The following SH3D19 variants were observed in gnomAD, a reference collection of about 807,000 sequenced individuals.
SH3D19 encodes SH3 domain-containing protein 19.
SH3D19 carries 58 observed loss-of-function variants against 112.1 expected under a neutral mutation model. The observed-to-expected ratio is 0.52, with a 90% CI of 0.42 to 0.64. The LOEUF is 0.64. Among genes scored for constraint, SH3D19 ranks in the 30% least tolerant of loss-of-function variants. SH3D19 has a pLI of 0.00. For missense variants in SH3D19, 1,090 were observed against 1,263.4 expected (o/e 0.86, Z 2.08); for synonymous variants, 391 against 448.5 (o/e 0.87, Z 1.62).
chr4:151,299,179 T>C (rs1728087086), intron 1 of SH3D19, among the ~76,000 whole-genome samples: 2 of 152,248 alleles, frequency 1.3e-5, no homozygotes, highest in Admixed American at 6.5e-5. Context: ...TTAATTTTAT[T>C]AAAAATTCCA....
chr4:151,156,744 T>C (rs991976018), intron 9 of SH3D19, among the ~76,000 whole-genome samples: 2 of 152,146 alleles, frequency 1.3e-5, no homozygotes, highest in Non-Finnish European at 2.9e-5. Flanking sequence ...CTCAGGACAT[T>C]GGTCTTAAAA....
chr4:151,148,530 C>T (rs945690167), intron 10 of SH3D19, among the ~76,000 whole-genome samples: 8 of 152,138 alleles, frequency 5.3e-5, no homozygotes, highest in Non-Finnish European at 1.0e-4. Flanking sequence ...AAACTAAGTA[C>T]TTTCTACCAA....
At position 151,131,579 on chromosome 4, in the gene SH3D19, C is replaced by T. The variant is rs549355283; in HGVS notation, c.2742+752G>A. On this transcript the variant is annotated intron_variant, in intron 17 of 19. Transcript: ENST00000604030. ...TTGGCTCACTGCAAACTCTGCCCCC[C>T]GGGTTCACGCCATTCCCCTGCCTCA... 2.7e-3 allele frequency among the ~76,000 whole-genome samples: 411 copies of T among 151,514 alleles called. 1 individual carries two copies. Among genetic ancestry groups the T allele is most frequent in the Middle Eastern group, 0.01 (3 of 294 alleles).
chr4:151,126,533 C>T (rs553751979), intron 19 of SH3D19, among the ~76,000 whole-genome samples: 5 of 152,054 alleles, frequency 3.3e-5, no homozygotes, highest in South Asian at 4.2e-4. Context: ...CGGTGGCTCA[C>T]GCCTGTAATC....
chr4:151,227,859 C>A lies in SH3D19; in HGVS notation c.113-1773G>T, dbSNP rs77983515. On this transcript the variant is annotated intron_variant, in intron 1 of 19. Transcript: ENST00000604030. ...CTTAGGCATGTAATAGCAAATTTCC[C>A]CACTAATCTTCCTAGTGGTACAACA... 65 of 985,384 alleles carry A rather than the reference C, an allele frequency of 6.6e-5. No individual in the cohort carries two copies. In the African/African-American group the frequency reaches 1.1e-3, roughly 17 times the overall value. The allele number at this position is 985,384 out of a possible 1,614,324, so 61.0% of individuals were successfully genotyped here. A position where few individuals can be genotyped will look rare whatever the true frequency, so the allele number is the denominator to read the frequency against.
At chr4:151,150,184 C>CAAAAAA (rs759365990) in intron 9 of SH3D19, among the ~76,000 whole-genome samples, 75 of 7,196 alleles carry the variant, frequency 0.01, 18 homozygotes, top group Admixed American at 0.024. Context: ...GACTCCATCT[C>CAAAAAA]AAAAAAAAAA....
At chr4:151,220,083 T>C (rs536030807) in intron 2 of SH3D19, among the ~76,000 whole-genome samples, 8 of 152,236 alleles carry the variant, frequency 5.3e-5, no homozygotes, top group Non-Finnish European at 1.0e-4. Flanking sequence ...CACAGAACTC[T>C]ATGCATTCAT....
At position 151,277,354 on chromosome 4, in the gene SH3D19, G is replaced by C. The variant is rs185417005; in HGVS notation, c.112+47887C>G. The stretch of plus-strand genomic sequence containing the variant: ...GTAGCACAGCCTGAGAAGGTCCTGA[G>C]AGGCTACTATATACCCAGCACCATT... On this transcript the variant is annotated intron_variant, in intron 1 of 19. Transcript: ENST00000604030. 1.3e-5 allele frequency: 8 copies of C among 593,636 alleles called. No individual in the cohort carries two copies. The East Asian group carries it at 2.3e-4, about 17-fold the overall frequency. 36.8% of individuals were successfully genotyped at this position (593,636 alleles called of 1,614,324 possible). A position where few individuals can be genotyped will look rare whatever the true frequency, so the allele number is the denominator to read the frequency against.
chr4:151,142,201 CATTAGCTCAATGA>C (rs1165294520), intron 12 of SH3D19, among the ~76,000 whole-genome samples: 38 of 152,326 alleles, frequency 2.5e-4, no homozygotes, highest in Non-Finnish European at 3.8e-4. Context: ...ACCTTATATG[CATTAGCTCAATGA>C]ATTTGTTAAA....
chr4:151,150,067 T>A (rs1372751751), intron 9 of SH3D19, among the ~76,000 whole-genome samples: 1 of 147,330 alleles, frequency 6.8e-6, no homozygotes, highest in Non-Finnish European at 1.5e-5. Flanking sequence ...CACCTGTAGT[T>A]CCAGCTACTT....
chr4:151,297,147 T>C (rs1775767983), intron 1 of SH3D19, among the ~76,000 whole-genome samples: 1 of 152,236 alleles, frequency 6.6e-6, no homozygotes, highest in South Asian at 2.1e-4. Context: ...ATCAGATTAA[T>C]GTATTCTCGG....
intron 1 of SH3D19, among the ~76,000 whole-genome samples, chr4:151,284,981 C>T (rs1470842102): frequency 3.3e-5 from 5 of 152,142 alleles, no homozygotes; most frequent in Admixed American, 3.3e-4. Flanking sequence ...TTTCCAACTG[C>T]TAAGGTAGCT....
chr4:151,267,380 G>A (rs926651687), intron 1 of SH3D19, among the ~76,000 whole-genome samples: 4 of 150,702 alleles, frequency 2.7e-5, no homozygotes, highest in African/African-American at 7.3e-5. Context: ...AATTACCTCC[G>A]TTCATTGTTG....
intron 2 of SH3D19, among the ~76,000 whole-genome samples, chr4:151,214,773 C>A (rs1285672648): frequency 1.6e-5 from 2 of 123,408 alleles, no homozygotes; most frequent in African/African-American, 5.4e-5. Flanking sequence ...CTGACCCCCC[C>A]ACCTCCCTCC....
At chr4:151,229,035 ATT>A (rs34078148) in intron 1 of SH3D19, among the ~76,000 whole-genome samples, 4 of 136,786 alleles carry the variant, frequency 2.9e-5, no homozygotes, top group Admixed American at 7.5e-5. Flanking sequence ...AGCTAATTAA[ATT>A]TTTTTTTTTT....
intron 2 of SH3D19, among the ~76,000 whole-genome samples, chr4:151,195,371 CAAAAAAAAAAAAA>C (rs58618820): frequency 1.5e-5 from 1 of 66,772 alleles, no homozygotes; most frequent in Non-Finnish European, 2.4e-5. Context: ...GACTCTGTCT[CAAAAAAAAAAAAA>C]AAAAAAAAAA....
At chr4:151,236,598 G>A (rs189677436) in intron 1 of SH3D19, among the ~76,000 whole-genome samples, 6 of 151,864 alleles carry the variant, frequency 4.0e-5, no homozygotes, top group African/African-American at 9.7e-5. Flanking sequence ...GCACCAATCA[G>A]CGCTCTGTGT....
chr4:151,167,176 C>CA (rs1160232994), intron 7 of SH3D19, among the ~76,000 whole-genome samples: 21 of 150,522 alleles, frequency 1.4e-4, no homozygotes, highest in East Asian at 5.8e-4. Flanking sequence ...TCATCAAACT[C>CA]AAAAAAAAAC....
intron 1 of SH3D19, among the ~76,000 whole-genome samples, chr4:151,288,655 C>A (rs971414647): frequency 3.3e-5 from 5 of 150,692 alleles, no homozygotes; most frequent in African/African-American, 1.2e-4. Context: ...GGCGGGGCAA[C>A]GAAGCGAGAC....
Sources: gnomAD v4.1 joint callset for allele counts (sites outside exome capture counted in the v4.1 genomes callset) on GRCh38, gnomAD v4.1.1 for gene constraint, MANE v1.5 for transcripts, NCBI Gene and HGNC (gene_info 2026-07-23, HGNC 2026-07-21) for gene names.